The following TECPR2 variants were observed in gnomAD, a reference collection of about 807,000 sequenced individuals.
TECPR2 encodes tectonin beta-propeller repeat containing 2, also known as tectonin beta-propeller repeat-containing protein 2.
Under a neutral mutation model 138.1 loss-of-function variants are expected in TECPR2, and 65 were observed. That is an observed-to-expected ratio of 0.47 (90% confidence interval 0.39 to 0.58). TECPR2 has a LOEUF of 0.58. Ranked by LOEUF, TECPR2 falls within the 20% of genes least tolerant of loss-of-function variation. The pLI is 0.00. For missense variants in TECPR2, 1,553 were observed against 1,824.5 expected (o/e 0.85, Z 2.71); for synonymous variants, 746 against 749.8 (o/e 0.99, Z 0.08).
chr14:102,446,212 G>A (rs1472455348), intron 13 of TECPR2, among the ~76,000 whole-genome samples: 12 of 151,944 alleles, frequency 7.9e-5, no homozygotes, highest in Non-Finnish European at 2.9e-5. Flanking sequence ...GACTACAGGC[G>A]TGTGCCACCA....
In TECPR2 at chr14:102,407,855, G is replaced by A. The variant is rs564347562; in HGVS notation, c.348+389G>A. 1.4e-4 allele frequency among the ~76,000 whole-genome samples: 22 copies of A among 152,236 alleles called. No individual in the cohort carries two copies. The South Asian group carries it at 4.4e-3, about 30-fold the overall frequency. On this transcript the variant is annotated intron_variant, in intron 3 of 19. Coordinates refer to ENST00000359520, the MANE Select transcript of TECPR2 (RefSeq NM_014844.5). ...ACTAAAAAATACAAAAAATTAGCCG[G>A]GTGTGGTGGCGGGTGCCTGTAGTCC... is the stretch of plus-strand genomic sequence containing the variant.
chr14:102,498,999 C>T lies in TECPR2; in HGVS notation c.*742C>T, dbSNP rs561441788. On this transcript the variant is annotated 3_prime_UTR_variant, in exon 20 of 20. Transcript: ENST00000359520. ...CACCACACCCCACACCGCACTGCAC[C>T]GCACCGCACCGCACCGTACCTCGCC... 1.4e-5 allele frequency: 10 copies of T among 695,110 alleles called. No individual in the cohort carries two copies. The highest frequency in any genetic ancestry group is 8.2e-5 in the East Asian group (3 of 36,506). 43.1% of individuals were successfully genotyped at this position (695,110 alleles called of 1,614,324 possible). A position where few individuals can be genotyped will look rare whatever the true frequency, so the allele number is the denominator to read the frequency against.
chr14:102,487,942 A>G (rs568904053), intron 17 of TECPR2, among the ~76,000 whole-genome samples: 1 of 147,366 alleles, frequency 6.8e-6, no homozygotes, highest in Admixed American at 6.8e-5. Flanking sequence ...CCCGGGTTCA[A>G]GCGATTCTCC....
intron 1 of TECPR2, among the ~76,000 whole-genome samples, chr14:102,373,586 C>T (rs548252387): frequency 1.1e-4 from 16 of 152,274 alleles, no homozygotes; most frequent in African/African-American, 3.9e-4. Context: ...TTTATTGGGA[C>T]ATAACCCCAT....
At chr14:102,487,742 T>C (rs1307506632) in intron 17 of TECPR2, among the ~76,000 whole-genome samples, 5 of 150,834 alleles carry the variant, frequency 3.3e-5, no homozygotes, top group Non-Finnish European at 5.9e-5. Flanking sequence ...GGGGTTTCAC[T>C]GTGTTAGCCA....
intron 7 of TECPR2, among the ~76,000 whole-genome samples, chr14:102,429,325 T>C (rs1889407364): frequency 1.3e-5 from 2 of 152,218 alleles, no homozygotes; most frequent in Non-Finnish European, 2.9e-5. Flanking sequence ...GCTCTCCGTC[T>C]GAGACAGTAT....
At chr14:102,496,919 C>T in intron 17 of TECPR2, 60 bp from the exon 18 acceptor site, 41 of 1,593,090 alleles carry the variant, frequency 2.6e-5, no homozygotes, top group Non-Finnish European at 3.3e-5. Flanking sequence ...CCGGAAGTCT[C>T]CTGTCCTTTC....
intron 2 of TECPR2, among the ~76,000 whole-genome samples, chr14:102,384,087 T>C (rs2139666306): frequency 6.6e-6 from 1 of 151,836 alleles, no homozygotes; most frequent in South Asian, 2.1e-4. Context: ...ATCTGGCTAA[T>C]TTTGTATTTT....
At chr14:102,365,495 A>C (rs903359265) in intron 1 of TECPR2, among the ~76,000 whole-genome samples, 1 of 152,198 alleles carries the variant, frequency 6.6e-6, no homozygotes, top group Non-Finnish European at 1.5e-5. Flanking sequence ...ATGGATGCAC[A>C]AACAAAACGT....
chr14:102,381,997 G>A (rs1887838059), intron 2 of TECPR2, among the ~76,000 whole-genome samples: 3 of 151,998 alleles, frequency 2.0e-5, no homozygotes, highest in African/African-American at 7.2e-5. Context: ...AGTAGATTTT[G>A]AAAAATTACG....
chr14:102,464,268 C>G (rs1411607893), intron 16 of TECPR2, among the ~76,000 whole-genome samples: 1 of 152,216 alleles, frequency 6.6e-6, no homozygotes, highest in African/African-American at 2.4e-5. Context: ...GTTCTTTTAG[C>G]CAGACTATTA....
intron 1 of TECPR2, among the ~76,000 whole-genome samples, chr14:102,371,102 T>C (rs1156689300): frequency 6.6e-6 from 1 of 152,062 alleles, no homozygotes; most frequent in Non-Finnish European, 1.5e-5. Context: ...TTTAGGAGCA[T>C]TGGGATTTGA....
intron 4 of TECPR2, among the ~76,000 whole-genome samples, chr14:102,410,088 C>T (rs147804120): frequency 0.019 from 2,908 of 152,230 alleles, 99 homozygotes; most frequent in African/African-American, 0.066. Context: ...GGATTACAGG[C>T]GTGAGCCACT....
chr14:102,418,483 C>T (rs540596080), intron 5 of TECPR2, among the ~76,000 whole-genome samples: 1 of 152,328 alleles, frequency 6.6e-6, no homozygotes, highest in African/African-American at 2.4e-5. Flanking sequence ...AACAAAGAGG[C>T]AACTAGTGCG....
chr14:102,463,411 C>G (rs1182963065), intron 16 of TECPR2, among the ~76,000 whole-genome samples: 1 of 113,398 alleles, frequency 8.8e-6, no homozygotes, highest in Admixed American at 1.1e-4. Context: ...AGCGAGACTC[C>G]GTCTCAAAAA....
rs1358037793 is a variant in TECPR2, at chr14:102,434,222, T to C, written c.1418-13T>C. The C allele has an allele frequency of 6.6e-6, 9 of 1,356,674 alleles. No individual in the cohort carries two copies. Among genetic ancestry groups the C allele is most frequent in the Non-Finnish European group, 8.6e-6 (9 of 1,047,584 alleles). 84.0% of individuals were successfully genotyped at this position (1,356,674 alleles called of 1,614,324 possible). ...AACCGTGCCTTATTTTGAATGTTCT[T>C]ATTCTGAATTAGAAGGTGGAAGCAG... On this transcript the variant is annotated splice_polypyrimidine_tract_variant and intron_variant, in intron 8 of 19. Coordinates refer to ENST00000359520, the MANE Select transcript of TECPR2 (RefSeq NM_014844.5).
At chr14:102,486,273 T>G (rs1891024439) in intron 17 of TECPR2, among the ~76,000 whole-genome samples, 1 of 152,134 alleles carries the variant, frequency 6.6e-6, no homozygotes, top group African/African-American at 2.4e-5. Context: ...TCCAAATGTT[T>G]TTTAGCAGTG....
intron 3 of TECPR2, 40 bp from the exon 4 acceptor site, chr14:102,408,448 C>CTT: frequency 6.5e-7 from 1 of 1,547,392 alleles, no homozygotes; most frequent in Non-Finnish European, 8.7e-7. Flanking sequence ...AGCATTTATC[C>CTT]TTTTTTTTTC....
intron 17 of TECPR2, among the ~76,000 whole-genome samples, chr14:102,477,850 G>A (rs1443295069): frequency 7.1e-6 from 1 of 141,094 alleles, no homozygotes; most frequent in African/African-American, 2.6e-5. Flanking sequence ...CAGGAGAATG[G>A]TGTGAACCCA....
Sources: gnomAD v4.1 joint callset for allele counts (sites outside exome capture counted in the v4.1 genomes callset) on GRCh38, gnomAD v4.1.1 for gene constraint, MANE v1.5 for transcripts, NCBI Gene and HGNC (gene_info 2026-07-23, HGNC 2026-07-21) for gene names.